Variants in GALNT16 observed in about 807,000 individuals in gnomAD.
The protein encoded by GALNT16 is polypeptide N-acetylgalactosaminyltransferase 16, also known as UDP-GalNAc:polypeptide N-acetylgalactosaminyltransferase-like protein 1.
GALNT16 carries 40 observed loss-of-function variants against 76.1 expected under a neutral mutation model. The ratio of observed to expected loss-of-function variants is 0.53; its 90% CI spans 0.41 to 0.68. The LOEUF (loss-of-function observed/expected upper bound fraction) is 0.68. Among genes scored for constraint, GALNT16 ranks in the 30% least tolerant of loss-of-function variants. GALNT16 has a pLI of 0.00. For missense variants in GALNT16, 621 were observed against 731.9 expected (o/e 0.85, Z 1.75); for synonymous variants, 276 against 285.2 (o/e 0.97, Z 0.32).
At chr14:69,362,515 CAGGGATAG>C in the GALNT16 span, among the ~76,000 whole-genome samples, 1 of 152,200 alleles carries the variant, frequency 6.6e-6, no homozygotes, top group Non-Finnish European at 1.5e-5. Flanking sequence ...TGTTGGACTG[CAGGGATAG>C]AGAGGAGAGT....
the GALNT16 span, among the ~76,000 whole-genome samples, chr14:69,379,613 T>C: frequency 4.6e-5 from 7 of 152,266 alleles, no homozygotes; most frequent in East Asian, 5.8e-4. Context: ...AAATACATGA[T>C]TGACATGATT....
chr14:69,310,127 G>A (rs918712664), intron 1 of GALNT16, among the ~76,000 whole-genome samples: 2 of 151,918 alleles, frequency 1.3e-5, no homozygotes, highest in Non-Finnish European at 2.9e-5. Flanking sequence ...CTATTGATCT[G>A]TTTATAGTAA....
At position 69,320,826 on chromosome 14, in the gene GALNT16, A is replaced by T. The variant is rs778518465; in HGVS notation, c.293A>T (p.Lys98Met). The T allele has an allele frequency of 1.7e-5, 28 of 1,614,062 alleles. No homozygotes were observed. In the East Asian group the frequency reaches 5.8e-4, roughly 33 times the overall value. ...QHAFNQLESD[K>M]LSPDRPIRDT... ...GCCTTCAACCAGCTGGAGAGTGACA[A>T]GCTGAGCCCAGACCGGCCCATCCGG... The change falls in exon 2 of 15, where the codon AAG becomes ATG. Residue 98 changes from lysine (K) to methionine (M), a missense_variant. Lys to Met is a moderately conservative substitution (Grantham distance 95). Coordinates refer to ENST00000448469, the MANE Select transcript of GALNT16 (RefSeq NM_001168368.2).
At chr14:69,273,946 G>T (rs1393884526) in intron 1 of GALNT16, among the ~76,000 whole-genome samples, 1 of 152,168 alleles carries the variant, frequency 6.6e-6, no homozygotes, top group Non-Finnish European at 1.5e-5. Context: ...AACATGTCTT[G>T]CTTCTTGGTG....
chr14:69,347,097 A>C lies in GALNT16; in HGVS notation c.1329A>C (p.Glu443Asp). The C allele has an allele frequency of 1.2e-6, 2 of 1,613,946 alleles. No homozygotes were observed. The highest frequency in any genetic ancestry group is 1.7e-6 in the Non-Finnish European group (2 of 1,179,910). The change falls in exon 13 of 15, where the codon GAA becomes GAC. Residue 443 changes from glutamate (E) to aspartate (D), a missense_variant. By Grantham distance (45) the Glu-to-Asp change is conservative. Transcript: ENST00000448469. ...TTAAGCAGGGGGTGAACTGCTTAGA[A>C]TCTCAGGGCCAGAACACAGCTGGTG... ...GIIKQGVNCL[E>D]SQGQNTAGDF...
chr14:69,271,950 C>T (rs1003655049), intron 1 of GALNT16, among the ~76,000 whole-genome samples: 3 of 152,088 alleles, frequency 2.0e-5, no homozygotes, highest in Admixed American at 6.6e-5. Context: ...AAGTTAATTT[C>T]GTCTGTTTCT....
At chr14:69,291,664 C>T (rs2140128954) in intron 1 of GALNT16, among the ~76,000 whole-genome samples, 1 of 152,334 alleles carries the variant, frequency 6.6e-6, no homozygotes, top group Non-Finnish European at 1.5e-5. Flanking sequence ...AAAGACAATC[C>T]TCGCCTCTGC....
chr14:69,369,043 A>G, the GALNT16 span, among the ~76,000 whole-genome samples: 16 of 152,254 alleles, frequency 1.1e-4, no homozygotes, highest in East Asian at 3.1e-3. Flanking sequence ...TTGTTGCCTG[A>G]GCTAAGTCAG....
chr14:69,332,826 C>CTTTTTTTTTTTTT (rs763996589), intron 7 of GALNT16, among the ~76,000 whole-genome samples: 1 of 115,998 alleles, frequency 8.6e-6, no homozygotes, highest in African/African-American at 2.9e-5. Context: ...TTGTTTTCTT[C>CTTTTTTTTTTTTT]TTTTTTTTTT....
chr14:69,275,207 G>C (rs866139929), intron 1 of GALNT16, among the ~76,000 whole-genome samples: 1 of 152,094 alleles, frequency 6.6e-6, no homozygotes, highest in African/African-American at 2.4e-5. Context: ...GTGCAGCCTG[G>C]GGAGAGCCCC....
chr14:69,293,240 T>G (rs1161412227), intron 1 of GALNT16, among the ~76,000 whole-genome samples: 1 of 152,250 alleles, frequency 6.6e-6, no homozygotes, highest in African/African-American at 2.4e-5. Context: ...GCTGCCTCAC[T>G]GCTGCAAAGA....
At chr14:69,380,438 A>G in the GALNT16 span, 1 of 658,892 alleles carries the variant, frequency 1.5e-6, no homozygotes, top group Non-Finnish European at 2.8e-6. Flanking sequence ...AGTATAACAA[A>G]GTGGAAACAG....
In GALNT16 at chr14:69,319,698, G is replaced by T. The variant is rs116894090; in HGVS notation, c.178-1013G>T. 5.1e-4 allele frequency among the ~76,000 whole-genome samples: 78 copies of T among 152,320 alleles called. No individual in the cohort carries two copies. In the East Asian group the frequency reaches 0.01, roughly 20 times the overall value. ...ACTCTGGGAGCACAGGGTAGGGTGTGGCCATGAAGGAACGGGATGGGCAAT... is the reference window on the plus strand; with the variant it reads ...ACTCTGGGAGCACAGGGTAGGGTGTTGCCATGAAGGAACGGGATGGGCAAT... On this transcript the variant is annotated intron_variant, in intron 1 of 14. Transcript: ENST00000448469.
chr14:69,372,122 C>G, the GALNT16 span, among the ~76,000 whole-genome samples: 1 of 152,028 alleles, frequency 6.6e-6, no homozygotes, highest in Non-Finnish European at 1.5e-5. Context: ...TAGGGCATCC[C>G]TGTGCAGGAG....
At chr14:69,326,118 A>G (rs1418207152) in intron 5 of GALNT16, 91 bp downstream of exon 5, 4 of 955,040 alleles carry the variant, frequency 4.2e-6, no homozygotes, top group Non-Finnish European at 5.1e-6. Context: ...TGGCACACCA[A>G]GCCAACATGG....
chr14:69,366,719 C>G, the GALNT16 span, among the ~76,000 whole-genome samples: 2 of 152,328 alleles, frequency 1.3e-5, no homozygotes, highest in South Asian at 4.1e-4. Flanking sequence ...TAGGCATACA[C>G]AAGTGAGAGT....
chr14:69,349,308 C>T (rs1314684966), intron 14 of GALNT16: 2 of 152,136 alleles, frequency 1.3e-5, no homozygotes, highest in East Asian at 1.9e-4. Context: ...GAGGAATTAT[C>T]TCCGAGCAAA....
At chr14:69,276,412 G>A (rs1324538594) in intron 1 of GALNT16, among the ~76,000 whole-genome samples, 1 of 152,174 alleles carries the variant, frequency 6.6e-6, no homozygotes, top group African/African-American at 2.4e-5. Context: ...GCTGGGTGCG[G>A]TGGCGCACGC....
chr14:69,309,099 T>C (rs143765863), intron 1 of GALNT16, among the ~76,000 whole-genome samples: 305 of 152,316 alleles, frequency 2.0e-3, no homozygotes, highest in African/African-American at 7.0e-3. Context: ...CATTTATTAA[T>C]GGCCATTTGC....
Sources: allele counts gnomAD v4.1 joint callset (sites outside exome capture counted in the v4.1 genomes callset), GRCh38; gene constraint gnomAD v4.1.1; transcripts MANE v1.5; gene names NCBI Gene and HGNC (gene_info 2026-07-23, HGNC 2026-07-21).